TMEM236: variants seen among roughly 807,000 people sequenced by gnomAD.
TMEM236 encodes transmembrane protein 236.
TMEM236 carries 11 observed loss-of-function variants against 14.7 expected under a neutral mutation model. The observed-to-expected ratio is 0.75, with a 90% CI of 0.47 to 1.24. The LOEUF (loss-of-function observed/expected upper bound fraction) is 1.24. Among genes scored for constraint, TMEM236 ranks in the 50% most tolerant of loss-of-function variants. The pLI is 0.00. For synonymous variants in TMEM236, 182 were observed against 168.6 expected (o/e 1.08, Z -0.62); for missense variants, 464 against 427.3 (o/e 1.09, Z -0.76).
chr10:17,759,752 G>A (rs1837328891), intron 1 of TMEM236, among the ~76,000 whole-genome samples: 1 of 152,036 alleles, frequency 6.6e-6, no homozygotes, highest in Non-Finnish European at 1.5e-5. Context: ...GAGCCAATGA[G>A]TAGTTGAGTC....
intron 1 of TMEM236, among the ~76,000 whole-genome samples, chr10:17,768,177 C>G (rs1554834501): frequency 6.7e-6 from 1 of 149,928 alleles, no homozygotes; most frequent in African/African-American, 2.5e-5. Context: ...ATCCACCCAC[C>G]TTGGCCTCCC....
intron 3 of TMEM236, among the ~76,000 whole-genome samples, chr10:17,777,404 C>T (rs933387496): frequency 3.9e-5 from 6 of 152,140 alleles, no homozygotes; most frequent in Admixed American, 3.9e-4. Context: ...TTGGGAATCT[C>T]CAAATCCTTT....
chr10:17,766,361 T>C (rs1285694971), intron 1 of TMEM236, among the ~76,000 whole-genome samples: 2 of 152,206 alleles, frequency 1.3e-5, no homozygotes, highest in African/African-American at 4.8e-5. Context: ...CAGTTTCCTA[T>C]AATATGTTCC....
At position 17,797,337 on chromosome 10, in the gene TMEM236, A is replaced by T. The variant is rs1838033759; in HGVS notation, c.*833A>T. On this transcript the variant is annotated 3_prime_UTR_variant, in exon 4 of 4. Coordinates refer to ENST00000377495, the MANE Select transcript of TMEM236 (RefSeq NM_001098844.3). ...AGACGATGTCTCGCTCTTGTCCCCT[A>T]GGCTGGAGTGCGATGGCGCGTTCTC... is the stretch of plus-strand genomic sequence containing the variant. 1 of 146,624 alleles carries T rather than the reference A, an allele frequency of 6.8e-6. No individual in the cohort carries two copies. Among genetic ancestry groups the T allele is most frequent in the South Asian group, 2.1e-4 (1 of 4,692 alleles). 9.1% of individuals were successfully genotyped at this position (146,624 alleles called of 1,614,324 possible).
At chr10:17,795,493 G>T (rs1477415038) in intron 3 of TMEM236, among the ~76,000 whole-genome samples, 2 of 152,150 alleles carry the variant, frequency 1.3e-5, no homozygotes, top group African/African-American at 4.8e-5. Context: ...ATTATGGAGT[G>T]GTAAAAAATG....
chr10:17,775,841 C>A (rs1837650524), intron 2 of TMEM236, among the ~76,000 whole-genome samples, 188 bp from the exon 3 acceptor site: 1 of 152,124 alleles, frequency 6.6e-6, no homozygotes, highest in African/African-American at 2.4e-5. Context: ...TGATATGAGT[C>A]CTTATGACAG....
In TMEM236 at chr10:17,798,904, T is replaced by C; in HGVS notation, c.*2400T>C. On this transcript the variant is annotated 3_prime_UTR_variant, in exon 4 of 4. Transcript: ENST00000377495. ...AAGAAACAAGTATCTCAATGCAGTT[T>C]TAGAAATTTCCTGTTTTATTCTTTT... 2.9e-6 allele frequency: 1 copy of C among 341,752 alleles called. No homozygotes were observed. Among genetic ancestry groups the C allele is most frequent in the East Asian group, 7.7e-5 (1 of 12,974 alleles). The allele number at this position is 341,752 out of a possible 1,614,324, so 21.2% of individuals were successfully genotyped here.
chr10:17,795,836 A>T, intron 3 of TMEM236, 85 bp from the exon 4 acceptor site: 2 of 1,370,630 alleles, frequency 1.5e-6, no homozygotes, highest in Non-Finnish European at 2.1e-6. Context: ...TTCCACCTTT[A>T]AATGGAATTT....
Position 17,796,698 on chromosome 10 carries a change from T to A in TMEM236, c.*194T>A. On this transcript the variant is annotated 3_prime_UTR_variant, in exon 4 of 4. Coordinates refer to ENST00000377495, the MANE Select transcript of TMEM236 (RefSeq NM_001098844.3). ...CAAATGGTGCTAAATTTAAGTAAAG[T>A]AATATTCTTATAAGTTGGCTCTCAG... The A allele has an allele frequency of 1.7e-6, 1 of 600,982 alleles. No homozygotes were observed. The highest frequency in any genetic ancestry group is 2.9e-6 in the Non-Finnish European group (1 of 343,770). The allele number at this position is 600,982 out of a possible 1,614,324, so 37.2% of individuals were successfully genotyped here.
chr10:17,786,568 T>C (rs996921746), intron 3 of TMEM236, among the ~76,000 whole-genome samples: 2 of 152,226 alleles, frequency 1.3e-5, no homozygotes, highest in Admixed American at 6.5e-5. Context: ...ATACTAATAG[T>C]AAGGTCCTAT....
intron 3 of TMEM236, among the ~76,000 whole-genome samples, chr10:17,779,729 C>G (rs951787797): frequency 6.6e-6 from 1 of 152,178 alleles, no homozygotes; most frequent in East Asian, 1.9e-4. Flanking sequence ...TGTTTTAAAC[C>G]AGACCCACAG....
intron 1 of TMEM236, among the ~76,000 whole-genome samples, chr10:17,759,953 G>A (rs935817272): frequency 4.4e-5 from 6 of 136,760 alleles, no homozygotes; most frequent in African/African-American, 1.7e-4. Flanking sequence ...GCTGCAGTCC[G>A]GCCTGGACGA....
chr10:17,757,487 T>A (rs1837300205), intron 1 of TMEM236, among the ~76,000 whole-genome samples: 1 of 151,702 alleles, frequency 6.6e-6, no homozygotes, highest in African/African-American at 2.4e-5. Context: ...TAGTCTCAGC[T>A]GCTCTGGGAG....
chr10:17,800,750 A>T lies in TMEM236; in HGVS notation c.*4246A>T, dbSNP rs1273794574. ...GAAGCTACAAAACTTAAAAATGGCT[A>T]CTTATACTCCATAGAAGATATAGTA... On this transcript the variant is annotated 3_prime_UTR_variant, in exon 4 of 4. Coordinates refer to ENST00000377495, the MANE Select transcript of TMEM236 (RefSeq NM_001098844.3). 1 of 152,258 alleles carries T rather than the reference A, an allele frequency of 6.6e-6. No homozygotes were observed. Among genetic ancestry groups the T allele is most frequent in the Non-Finnish European group, 1.5e-5 (1 of 68,050 alleles). The allele number at this position is 152,258 out of a possible 1,614,324, so 9.4% of individuals were successfully genotyped here.
At chr10:17,792,230 C>T (rs1239619327) in intron 3 of TMEM236, among the ~76,000 whole-genome samples, 4 of 152,106 alleles carry the variant, frequency 2.6e-5, no homozygotes, top group African/African-American at 9.7e-5. Flanking sequence ...AGGGATTACA[C>T]ACGTGCACCA....
At chr10:17,773,331 G>A (rs1837605035) in intron 2 of TMEM236, among the ~76,000 whole-genome samples, 1 of 152,076 alleles carries the variant, frequency 6.6e-6, no homozygotes, top group South Asian at 2.1e-4. Flanking sequence ...ACCAGCGCTT[G>A]CGTTGTTTCT....
At chr10:17,789,313 A>G (rs1837885294) in intron 3 of TMEM236, among the ~76,000 whole-genome samples, 1 of 152,226 alleles carries the variant, frequency 6.6e-6, no homozygotes, top group South Asian at 2.1e-4. Flanking sequence ...TAGTGTAACT[A>G]TAGCCAAAGT....
chr10:17,775,901 A>T (rs1837651490), intron 2 of TMEM236, 128 bp from the exon 3 acceptor site: 1 of 1,279,674 alleles, frequency 7.8e-7, no homozygotes, highest in Admixed American at 1.8e-5. Context: ...GATGAGTTAA[A>T]AACCAACCTT....
chr10:17,781,463 C>T (rs1005665224), intron 3 of TMEM236, among the ~76,000 whole-genome samples: 8 of 151,750 alleles, frequency 5.3e-5, no homozygotes, highest in South Asian at 2.1e-4. Flanking sequence ...TGCAGCCCGG[C>T]GTGGTGGCTC....
Sources: gnomAD v4.1 joint callset for allele counts (sites outside exome capture counted in the v4.1 genomes callset) on GRCh38, gnomAD v4.1.1 for gene constraint, MANE v1.5 for transcripts, NCBI Gene and HGNC (gene_info 2026-07-23, HGNC 2026-07-21) for gene names.